C4orf51: variants seen among roughly 807,000 people sequenced by gnomAD.
C4orf51 encodes chromosome 4 open reading frame 51.
Under a neutral mutation model 25.2 loss-of-function variants are expected in C4orf51, and 25 were observed. That is an observed-to-expected ratio of 0.99 (90% CI 0.72 to 1.39). The LOEUF (loss-of-function observed/expected upper bound fraction) is 1.39. Ranked by LOEUF, C4orf51 falls within the 40% of genes most tolerant of loss-of-function variation. The pLI is 0.00. For missense variants in C4orf51, 252 were observed against 239.6 expected (o/e 1.05, Z -0.34); for synonymous variants, 100 against 84.5 (o/e 1.18, Z -1.01).
At chr4:145,732,858 G>C (rs1159226326), downstream of C4orf51, 1 of 210,202 alleles carries the variant, frequency 4.8e-6, no homozygotes, top group South Asian at 1.2e-4. Flanking sequence ...CCGACCGTCG[G>C]GGGCTCCGGC....
At chr4:145,734,504 C>T (rs1732693902), downstream of C4orf51, among the ~76,000 whole-genome samples, 2 of 152,152 alleles carry the variant, frequency 1.3e-5, no homozygotes. Context: ...GTGGCACATC[C>T]TGAATCTCCC....
rs537949260 is a variant in C4orf51 at position 145,746,420 on chromosome 4, T to G, written n.168-7787T>G. 9.8e-5 allele frequency among the ~76,000 whole-genome samples: 15 copies of G among 152,300 alleles called. 1 individual carries two copies. The South Asian group carries it at 3.1e-3, about 32-fold the overall frequency. On this transcript the variant is annotated intron_variant and non_coding_transcript_variant, in intron 1 of 1. Coordinates refer to the C4orf51 transcript ENST00000508981. ...GTGAGAAATAAGGGTCTAGTTTTAT[T>G]CTTCTGCATATGGATATCTAGTTTT... is the stretch of plus-strand genomic sequence containing the variant.
chr4:145,720,929 C>T (rs536119621), intron 2 of C4orf51, among the ~76,000 whole-genome samples: 4 of 152,320 alleles, frequency 2.6e-5, no homozygotes, highest in African/African-American at 7.2e-5. Context: ...TGAAAACAAG[C>T]CTCACTCACC....
At chr4:145,680,484 C>A (rs372404990) in intron 1 of C4orf51, 48 bp downstream of exon 1, 1 of 1,359,424 alleles carries the variant, frequency 7.4e-7, no homozygotes, top group Non-Finnish European at 1.0e-6. Context: ...TATAAATAGA[C>A]AAGAGTGCTC....
At chr4:145,693,884 G>T (rs1202368162) in intron 1 of C4orf51, among the ~76,000 whole-genome samples, 1 of 131,400 alleles carries the variant, frequency 7.6e-6, no homozygotes, top group African/African-American at 2.8e-5. Flanking sequence ...GCTGCCGGGC[G>T]GAGACGCTCC....
chr4:145,734,335 T>C (rs1732677887), downstream of C4orf51, among the ~76,000 whole-genome samples: 1 of 152,142 alleles, frequency 6.6e-6, no homozygotes, highest in African/African-American at 2.4e-5. Flanking sequence ...TATCCATTGA[T>C]TGAGGACACT....
intron 1 of C4orf51, among the ~76,000 whole-genome samples, chr4:145,768,196 ACT>A (rs1735613232): frequency 6.6e-6 from 1 of 152,138 alleles, no homozygotes. Context: ...ACAGGGTCTC[ACT>A]CTGTTGCCCA....
chr4:145,695,989 C>T (rs1730023834), intron 1 of C4orf51, among the ~76,000 whole-genome samples: 1 of 152,140 alleles, frequency 6.6e-6, no homozygotes, highest in Admixed American at 6.5e-5. Flanking sequence ...AAGAAGGAAA[C>T]AACATGGCCA....
chr4:145,745,575 A>G (rs905899572), intron 1 of C4orf51, among the ~76,000 whole-genome samples: 1 of 152,218 alleles, frequency 6.6e-6, no homozygotes, highest in African/African-American at 2.4e-5. Flanking sequence ...ATAGCTGAAT[A>G]GTACTCCATT....
At position 145,761,169 on chromosome 4, in the gene C4orf51, C is replaced by A. The variant is rs929034159; in HGVS notation, n.167-9819C>A. The A allele has an allele frequency of 2.3e-6, 3 of 1,289,738 alleles. No individual in the cohort carries two copies. Among genetic ancestry groups the A allele is most frequent in the Non-Finnish European group, 2.0e-6 (2 of 988,878 alleles). 79.9% of individuals were successfully genotyped at this position (1,289,738 alleles called of 1,614,324 possible). A position where few individuals can be genotyped will look rare whatever the true frequency, so the allele number is the denominator to read the frequency against. ...CCTTGGGGGCTGGACACAGGCCCTT[C>A]TTGTCCTCCTCGGGGCAGTCCCCAC... On this transcript the variant is annotated intron_variant and non_coding_transcript_variant, in intron 1 of 1. Coordinates refer to the C4orf51 transcript ENST00000510096. This position sits in a 1 kb window ranked among gnomAD's most constrained non-coding sequence, Gnocchi z 6.8.
At chr4:145,706,905 G>A (rs139904489) in intron 2 of C4orf51, among the ~76,000 whole-genome samples, 1,668 of 148,090 alleles carry the variant, frequency 0.011, 24 homozygotes, top group African/African-American at 0.039. Flanking sequence ...TCCACCTCCC[G>A]GGTTCAAGCG....
chr4:145,771,849 A>G (rs190726514), downstream of C4orf51, among the ~76,000 whole-genome samples: 1 of 152,344 alleles, frequency 6.6e-6, no homozygotes, highest in African/African-American at 2.4e-5. Flanking sequence ...AGGTACTGAA[A>G]TAATAGGGGC....
intron 2 of C4orf51, among the ~76,000 whole-genome samples, chr4:145,720,892 G>A (rs1731700459): frequency 6.6e-6 from 1 of 152,166 alleles, no homozygotes; most frequent in Admixed American, 6.5e-5. Context: ...AGCTGCCCAA[G>A]GTTTGCAACA....
intron 2 of C4orf51, among the ~76,000 whole-genome samples, chr4:145,726,425 C>T (rs1438472881): frequency 6.6e-6 from 1 of 151,744 alleles, no homozygotes; most frequent in South Asian, 2.1e-4. Context: ...TTTTTTGAGA[C>T]AGGGTCTTGC....
chr4:145,722,081 C>T lies in C4orf51; in HGVS notation c.308-4830C>T, dbSNP rs527426971. Among the ~76,000 whole-genome samples the T allele has an allele frequency of 8.6e-5, 13 of 151,972 alleles. No individual in the cohort carries two copies. In the East Asian group the frequency reaches 1.2e-3, roughly 14 times the overall value. On this transcript the variant is annotated intron_variant, in intron 2 of 5. Coordinates refer to ENST00000438731, the MANE Select transcript of C4orf51 (RefSeq NM_001080531.3). ...TAAGGCAGATAAATGGGGGAGGGCA[C>T]GAATAAAAAGACAGATAAATGGACT...
chr4:145,779,397 G>A, the C4orf51 span: 7 of 1,614,174 alleles, frequency 4.3e-6, 1 homozygote, highest in South Asian at 7.7e-5. Context: ...GAGGTGTCGG[G>A]ACAATGTCTG....
chr4:145,778,426 G>A, the C4orf51 span, among the ~76,000 whole-genome samples: 1 of 152,124 alleles, frequency 6.6e-6, no homozygotes, highest in Non-Finnish European at 1.5e-5. Context: ...GAGCCATCGC[G>A]CCCGACAACA....
chr4:145,780,648 T>C, the C4orf51 span, among the ~76,000 whole-genome samples: 1 of 152,200 alleles, frequency 6.6e-6, no homozygotes, highest in South Asian at 2.1e-4. Flanking sequence ...CCTCCTATGA[T>C]AATGTCATAA....
chr4:145,736,063 A>C (rs6537370), downstream of C4orf51, among the ~76,000 whole-genome samples: 146,839 of 152,052 alleles, frequency 0.97, 70,949 homozygotes, highest in East Asian at 1. Context: ...TCTTAGACTT[A>C]TTAAGTCCCC....
Sources: gnomAD v4.1 joint callset for allele counts (sites outside exome capture counted in the v4.1 genomes callset) on GRCh38, gnomAD v4.1.1 for gene constraint, Gnocchi (gnomAD v3.1) non-coding constraint, MANE v1.5 for transcripts, NCBI Gene and HGNC (gene_info 2026-07-23, HGNC 2026-07-21) for gene names.